BFSP2: variants seen among roughly 807,000 people sequenced by gnomAD.
The protein encoded by BFSP2 is phakinin.
A neutral mutation model predicts 44.9 loss-of-function variants in BFSP2; 38 were observed. The ratio of observed to expected loss-of-function variants is 0.85; its 90% CI spans 0.65 to 1.11. The LOEUF (loss-of-function observed/expected upper bound fraction) is 1.11. Ranked by LOEUF, BFSP2 falls within the 50% of genes least tolerant of loss-of-function variation. The pLI is 0.00. For synonymous variants in BFSP2, 197 were observed against 209.9 expected (o/e 0.94, Z 0.53); for missense variants, 525 against 533.0 (o/e 0.99, Z 0.15).
chr3:133,424,314 C>T (rs1001350020), intron 1 of BFSP2, among the ~76,000 whole-genome samples: 6 of 151,572 alleles, frequency 4.0e-5, no homozygotes, highest in African/African-American at 1.5e-4. Flanking sequence ...GTGATCCACC[C>T]GCCTCGGCCT....
intron 1 of BFSP2, among the ~76,000 whole-genome samples, chr3:133,422,429 G>A (rs1295158626): frequency 6.6e-6 from 1 of 152,176 alleles, no homozygotes; most frequent in Non-Finnish European, 1.5e-5. Context: ...TGGTGCCACT[G>A]ACTCCTACCT....
intron 4 of BFSP2, among the ~76,000 whole-genome samples, chr3:133,460,624 C>CG (rs2074053562): frequency 1.3e-5 from 2 of 152,228 alleles, no homozygotes; most frequent in South Asian, 4.2e-4. Context: ...CCTTTGTCCC[C>CG]GGGGGGCTAA....
intron 1 of BFSP2, among the ~76,000 whole-genome samples, chr3:133,419,559 C>T (rs1343537685): frequency 1.3e-5 from 2 of 152,228 alleles, no homozygotes; most frequent in Admixed American, 1.3e-4. Context: ...TGAGTTCAGA[C>T]TTTGGGATGT....
At chr3:133,448,460 T>A in intron 2 of BFSP2, 29 bp from the exon 3 acceptor site, 1 of 1,612,854 alleles carries the variant, frequency 6.2e-7, no homozygotes, top group South Asian at 1.1e-5. Flanking sequence ...GGCTACTCAG[T>A]TATGCTAATT....
At chr3:133,414,808 TACTCACTCCTACCACGTCTGCTCTATTCA>T (rs2073498029) in intron 1 of BFSP2, among the ~76,000 whole-genome samples, 6 of 21,746 alleles carry the variant, frequency 2.8e-4, no homozygotes, top group African/African-American at 4.2e-4. Flanking sequence ...CTTACCCCTC[TACTCACTCCTACCACGTCTGCTCTATTCA>T]CCCCTGCCCT....
intron 1 of BFSP2, among the ~76,000 whole-genome samples, chr3:133,403,006 A>T (rs549672035): frequency 6.6e-6 from 1 of 152,142 alleles, no homozygotes; most frequent in Non-Finnish European, 1.5e-5. Context: ...TATTCCATCA[A>T]GAAGAACAAA....
rs578233592 is a variant in BFSP2 at position 133,475,104 on chromosome 3, G to C, written c.*132G>C. On this transcript the variant is annotated 3_prime_UTR_variant, in exon 7 of 7. Coordinates refer to ENST00000302334, the MANE Select transcript of BFSP2 (RefSeq NM_003571.4). ...TGGTTAATTCAGCTTGAGCTGAAAA[G>C]CTTCCTGGAAGTGGAGAGGATCCTT... The C allele has an allele frequency of 7.2e-5, 96 of 1,330,686 alleles. No homozygotes were observed. The highest frequency in any genetic ancestry group is 9.7e-5 in the Non-Finnish European group (90 of 926,122). The allele number at this position is 1,330,686 out of a possible 1,614,324, so 82.4% of individuals were successfully genotyped here.
At chr3:133,426,196 T>C (rs2073652903) in intron 1 of BFSP2, among the ~76,000 whole-genome samples, 1 of 151,882 alleles carries the variant, frequency 6.6e-6, no homozygotes, top group Non-Finnish European at 1.5e-5. Context: ...CCTTCTTCAG[T>C]TGACCGCCTG....
intron 4 of BFSP2, among the ~76,000 whole-genome samples, chr3:133,462,627 A>G (rs2074074541): frequency 6.6e-6 from 1 of 152,254 alleles, no homozygotes; most frequent in South Asian, 2.1e-4. Flanking sequence ...CACATTCACA[A>G]TACTGCTTAA....
intron 4 of BFSP2, among the ~76,000 whole-genome samples, chr3:133,461,285 C>A (rs890911620): frequency 2.0e-5 from 3 of 152,168 alleles, no homozygotes; most frequent in Non-Finnish European, 4.4e-5. Flanking sequence ...TCACATCCTT[C>A]ATGTGCAAAA....
At chr3:133,439,208 G>A (rs553455749) in intron 1 of BFSP2, among the ~76,000 whole-genome samples, 15 of 152,330 alleles carry the variant, frequency 9.8e-5, no homozygotes, top group East Asian at 1.9e-4. Context: ...GCTTCTATGC[G>A]GGGTTTTTAT....
chr3:133,412,933 G>C (rs1413732218), intron 1 of BFSP2, among the ~76,000 whole-genome samples: 2 of 152,226 alleles, frequency 1.3e-5, no homozygotes. Context: ...AAGAGAACCA[G>C]GATGCTGGTT....
intron 1 of BFSP2, among the ~76,000 whole-genome samples, chr3:133,423,279 T>C (rs1046865551): frequency 1.6e-4 from 25 of 152,206 alleles, no homozygotes; most frequent in African/African-American, 5.1e-4. Flanking sequence ...GGTTTTGCCA[T>C]TGACTGGCTT....
intron 1 of BFSP2, among the ~76,000 whole-genome samples, chr3:133,415,367 CTCA>C (rs2107886754): frequency 9.1e-6 from 1 of 109,518 alleles, no homozygotes; most frequent in Non-Finnish European, 1.9e-5. Flanking sequence ...CACCCCTCTA[CTCA>C]ACCCTGCCCT....
intron 4 of BFSP2, among the ~76,000 whole-genome samples, chr3:133,462,593 A>G (rs2074074183): frequency 6.6e-6 from 1 of 152,214 alleles, no homozygotes; most frequent in South Asian, 2.1e-4. Context: ...GGTGAAATAT[A>G]TGTATATGTA....
intron 1 of BFSP2, among the ~76,000 whole-genome samples, chr3:133,415,650 T>C: frequency 1.1e-5 from 1 of 94,652 alleles, no homozygotes; most frequent in Non-Finnish European, 2.0e-5. Context: ...TTACCCGTCA[T>C]CTCCCCTCTA....
At chr3:133,423,431 G>C (rs1265249452) in intron 1 of BFSP2, among the ~76,000 whole-genome samples, 1 of 152,100 alleles carries the variant, frequency 6.6e-6, no homozygotes, top group Non-Finnish European at 1.5e-5. Context: ...GGCAAACTGT[G>C]GTAGTAATCT....
intron 1 of BFSP2, among the ~76,000 whole-genome samples, chr3:133,415,788 TCTA>T (rs1394940441): frequency 1.6e-5 from 2 of 126,998 alleles, no homozygotes; most frequent in African/African-American, 6.2e-5. Flanking sequence ...CACTTACCCT[TCTA>T]CTGACTCCTA....
chr3:133,424,238 T>TGTGTGTGTGTGTGTGTGTGTGTGTG (rs2073623244), intron 1 of BFSP2, among the ~76,000 whole-genome samples: 1 of 145,866 alleles, frequency 6.9e-6, no homozygotes. Flanking sequence ...TTTTTTTTTT[T>TGTGTGTGTGTGTGTGTGTGTGTGTG]TTTGTATTTT....
Sources: gnomAD v4.1 joint callset for allele counts (sites outside exome capture counted in the v4.1 genomes callset) on GRCh38, gnomAD v4.1.1 for gene constraint, MANE v1.5 for transcripts, NCBI Gene and HGNC (gene_info 2026-07-23, HGNC 2026-07-21) for gene names.